Variants in FGD3 observed in about 807,000 individuals in gnomAD.
The protein encoded by FGD3 is FYVE, RhoGEF and PH domain-containing protein 3.
FGD3 carries 45 observed loss-of-function variants against 71.8 expected under a neutral mutation model. The ratio of observed to expected loss-of-function variants is 0.63; its 90% CI spans 0.49 to 0.80. FGD3 has a LOEUF of 0.80. FGD3 is among the 30% of genes least tolerant of loss of function. FGD3 has a pLI of 0.00. For missense variants in FGD3, 844 were observed against 951.5 expected (o/e 0.89, Z 1.49); for synonymous variants, 378 against 392.8 (o/e 0.96, Z 0.44).
At chr9:92,955,101 G>GA (rs1382867322) in intron 1 of FGD3, among the ~76,000 whole-genome samples, 5 of 152,204 alleles carry the variant, frequency 3.3e-5, no homozygotes, top group Admixed American at 2.6e-4. Context: ...AGGGTAGGGA[G>GA]AGGTGCTCCC....
chr9:92,994,884 A>G (rs537734458), intron 3 of FGD3, among the ~76,000 whole-genome samples: 2 of 152,132 alleles, frequency 1.3e-5, no homozygotes, highest in South Asian at 2.1e-4. Context: ...TAGCCTTGTA[A>G]TATAGTTTGA....
At chr9:92,975,602 C>T (rs971128196) in intron 2 of FGD3, among the ~76,000 whole-genome samples, 197 bp downstream of exon 2, 3 of 152,120 alleles carry the variant, frequency 2.0e-5, no homozygotes, top group African/African-American at 2.4e-5. Context: ...GCATGGTGGG[C>T]CAGTGTGAGG....
intron 1 of FGD3, among the ~76,000 whole-genome samples, chr9:92,948,219 T>C (rs1193666400): frequency 2.6e-5 from 4 of 152,122 alleles, no homozygotes; most frequent in East Asian, 1.9e-4. Flanking sequence ...CCATGTCGGA[T>C]GCTGAGATTG....
intron 3 of FGD3, among the ~76,000 whole-genome samples, chr9:92,990,829 TG>T (rs1317948837): frequency 6.6e-6 from 1 of 152,340 alleles, no homozygotes; most frequent in East Asian, 1.9e-4. Flanking sequence ...GCGGGTATTT[TG>T]TTGAGGATTT....
chr9:93,032,927 C>A, intron 16 of FGD3, 54 bp downstream of exon 16: 1 of 1,491,962 alleles, frequency 6.7e-7, no homozygotes, highest in Non-Finnish European at 9.4e-7. Flanking sequence ...AGCCTCCAGA[C>A]ACCTGCTCCT....
Position 93,010,807 on chromosome 9 carries a change from C to T in FGD3, c.977-407C>T, listed in dbSNP as rs1861312329. ...AGCATCTTTGAGGGCAGAGAAAAAT[C>T]TCCCCTGCTTGAAGTATGCGGGTGG... On this transcript the variant is annotated intron_variant, in intron 7 of 17. Transcript: ENST00000375482. 1.3e-5 allele frequency among the ~76,000 whole-genome samples: 2 copies of T among 152,094 alleles called. 1 individual carries two copies. The highest frequency in any genetic ancestry group is 1.3e-4 in the Admixed American group (2 of 15,276).
intron 3 of FGD3, among the ~76,000 whole-genome samples, chr9:92,995,192 C>A (rs1291236339): frequency 6.6e-6 from 1 of 152,174 alleles, no homozygotes; most frequent in African/African-American, 2.4e-5. Context: ...TCCTTCACAT[C>A]CCTTGTAAGT....
intron 3 of FGD3, among the ~76,000 whole-genome samples, chr9:92,989,616 A>G (rs1860323485): frequency 6.6e-6 from 1 of 151,190 alleles, no homozygotes; most frequent in East Asian, 1.9e-4. Context: ...TTAAAGGGGA[A>G]AAGTGGGCTG....
At chr9:93,001,179 T>C (rs1295026837) in intron 3 of FGD3, among the ~76,000 whole-genome samples, 1 of 152,228 alleles carries the variant, frequency 6.6e-6, no homozygotes, top group East Asian at 1.9e-4. Context: ...ACTTTGTTCA[T>C]GCATCATTTC....
rs1861662977 is a variant in FGD3, at chr9:93,015,909, T to C, written c.1275+80T>C. 3 of 1,287,936 alleles carry C rather than the reference T, an allele frequency of 2.3e-6. No individual in the cohort carries two copies. The South Asian group carries it at 3.6e-5, about 15-fold the overall frequency. 79.8% of individuals were successfully genotyped at this position (1,287,936 alleles called of 1,614,324 possible). On this transcript the variant is annotated intron_variant, in intron 10 of 17. Transcript: ENST00000375482. ...ACTGGGGACACCAGGCTCTGGCCGC[T>C]GAGGCACTCACCTCTGTGCAGCCTG...
At position 93,019,822 on chromosome 9, in the gene FGD3, G is replaced by C; in HGVS notation, c.1356-9G>C. ...ACTGGATTAATACAAGACCGTTTTG[G>C]TTTTTTAGGACAGAGGAAGAGAAGA... On this transcript the variant is annotated splice_polypyrimidine_tract_variant and intron_variant, in intron 11 of 17. Transcript: ENST00000375482. 1 of 1,613,924 alleles carries C rather than the reference G, an allele frequency of 6.2e-7. No homozygotes were observed. The highest frequency in any genetic ancestry group is 8.5e-7 in the Non-Finnish European group (1 of 1,179,852).
chr9:93,024,548 T>C (rs1477193747), intron 14 of FGD3, among the ~76,000 whole-genome samples: 1 of 152,274 alleles, frequency 6.6e-6, no homozygotes, highest in Non-Finnish European at 1.5e-5. Flanking sequence ...CGCAGAGGCA[T>C]CAAGGCTCAG....
At chr9:93,008,122 T>C (rs1311214151) in intron 6 of FGD3, among the ~76,000 whole-genome samples, 1 of 152,280 alleles carries the variant, frequency 6.6e-6, no homozygotes, top group Non-Finnish European at 1.5e-5. Flanking sequence ...ATTAACATTT[T>C]GTCTGGCTTA....
intron 6 of FGD3, among the ~76,000 whole-genome samples, chr9:93,008,665 C>T (rs1189155428): frequency 6.6e-6 from 1 of 152,108 alleles, no homozygotes; most frequent in Non-Finnish European, 1.5e-5. Context: ...TGGGTTTTTT[C>T]CCCTATTAAG....
At chr9:93,028,368 C>T (rs1285825520) in intron 14 of FGD3, among the ~76,000 whole-genome samples, 4 of 151,094 alleles carry the variant, frequency 2.6e-5, no homozygotes, top group South Asian at 4.2e-4. Flanking sequence ...AGAAAAACAC[C>T]TGCAGGCTTC....
At chr9:93,029,274 C>G (rs1304620113) in intron 14 of FGD3, among the ~76,000 whole-genome samples, 1 of 152,026 alleles carries the variant, frequency 6.6e-6, no homozygotes, top group Non-Finnish European at 1.5e-5. Flanking sequence ...CTCCTGACCT[C>G]AAGTGATCTG....
intron 3 of FGD3, among the ~76,000 whole-genome samples, chr9:92,999,809 G>A (rs969581189): frequency 7.2e-5 from 11 of 151,954 alleles, no homozygotes; most frequent in African/African-American, 1.5e-4. Flanking sequence ...GGTCAGGCTC[G>A]TTTCAAACTC....
intron 9 of FGD3, among the ~76,000 whole-genome samples, 161 bp downstream of exon 9, chr9:93,014,159 C>G (rs533569459): frequency 2.0e-5 from 3 of 152,302 alleles, no homozygotes; most frequent in African/African-American, 7.2e-5. Context: ...CATCCCTCCC[C>G]CAGCCATAGG....
chr9:93,010,529 C>CAGAGAG (rs1307241304), intron 7 of FGD3, 145 bp downstream of exon 7: 1 of 865,616 alleles, frequency 1.2e-6, no homozygotes, highest in South Asian at 2.4e-5. Flanking sequence ...GAGACAGAGA[C>CAGAGAG]AGAGGCAGGG....
Sources: allele counts gnomAD v4.1 joint callset (sites outside exome capture counted in the v4.1 genomes callset), GRCh38; gene constraint gnomAD v4.1.1; transcripts MANE v1.5; gene names NCBI Gene and HGNC (gene_info 2026-07-23, HGNC 2026-07-21).